KCNMB2: variants seen among roughly 807,000 people sequenced by gnomAD.
The protein encoded by KCNMB2 is potassium calcium-activated channel subfamily M regulatory beta subunit 2.
Under a neutral mutation model 24.5 loss-of-function variants are expected in KCNMB2, and 9 were observed. The ratio of observed to expected loss-of-function variants is 0.37; its 90% CI spans 0.22 to 0.64. KCNMB2 has a LOEUF of 0.64. Ranked by LOEUF, KCNMB2 falls within the 30% of genes least tolerant of loss-of-function variation. The pLI is 0.63. For missense variants in KCNMB2, 226 were observed against 284.3 expected, an observed-to-expected ratio of 0.79 and a Z score of 1.47; for synonymous variants, 109 against 104.4, an observed-to-expected ratio of 1.04 and a Z score of -0.27.
At chr3:178,585,187 C>A (rs890384163) in intron 1 of KCNMB2, among the ~76,000 whole-genome samples, 2 of 152,106 alleles carry the variant, frequency 1.3e-5, no homozygotes, top group African/African-American at 4.8e-5. Flanking sequence ...ACTCTAGAAA[C>A]GCTTATGTTT....
intron 2 of KCNMB2, among the ~76,000 whole-genome samples, chr3:178,818,524 GT>G (rs979677251): frequency 1.3e-5 from 2 of 152,152 alleles, no homozygotes; most frequent in African/African-American, 4.8e-5. Context: ...AACATGCGGT[GT>G]TTGGTTTTCT....
intron 1 of KCNMB2, among the ~76,000 whole-genome samples, chr3:178,586,544 T>TA (rs1717443232): frequency 4.2e-5 from 5 of 118,522 alleles, no homozygotes; most frequent in Admixed American, 4.2e-4. Context: ...CTTTCTTTTT[T>TA]TTTTTTTTTT....
chr3:178,616,142 G>A (rs994796649), intron 1 of KCNMB2, among the ~76,000 whole-genome samples: 2 of 152,156 alleles, frequency 1.3e-5, no homozygotes, highest in Admixed American at 6.5e-5. Flanking sequence ...GTGAGGGGAG[G>A]GATGATGCCA....
At chr3:178,772,688 A>C (rs1712422742) in intron 1 of KCNMB2, among the ~76,000 whole-genome samples, 1 of 152,222 alleles carries the variant, frequency 6.6e-6, no homozygotes, top group Non-Finnish European at 1.5e-5. Flanking sequence ...TACACTGCTA[A>C]ATTTCCTAAT....
At chr3:178,548,920 C>T (rs1715856526) in intron 1 of KCNMB2, among the ~76,000 whole-genome samples, 1 of 152,078 alleles carries the variant, frequency 6.6e-6, no homozygotes, top group Non-Finnish European at 1.5e-5. Context: ...AGTGCATGTC[C>T]TTGGGCAAAT....
chr3:178,705,848 T>C (rs2108345317), intron 1 of KCNMB2, among the ~76,000 whole-genome samples: 1 of 152,258 alleles, frequency 6.6e-6, no homozygotes, highest in South Asian at 2.1e-4. Flanking sequence ...GTCAAATACC[T>C]TGGAGTCAGT....
intron 1 of KCNMB2, among the ~76,000 whole-genome samples, chr3:178,576,965 G>C (rs182132746): frequency 8.2e-4 from 125 of 152,334 alleles, no homozygotes; most frequent in African/African-American, 3.0e-3. Flanking sequence ...GAGAGCGGAG[G>C]ATCTCCCAGC....
intron 1 of KCNMB2, among the ~76,000 whole-genome samples, chr3:178,804,664 T>G (rs1713896192): frequency 6.6e-6 from 1 of 152,224 alleles, no homozygotes; most frequent in African/African-American, 2.4e-5. Context: ...TTGAAATCAC[T>G]GCAGCTCCTT....
At position 178,813,729 on chromosome 3, in the gene KCNMB2, G is replaced by C. The variant is rs146088966; in HGVS notation, c.56+6264G>C. 5.0e-3 allele frequency among the ~76,000 whole-genome samples: 757 copies of C among 152,154 alleles called. 1 individual carries two copies. The highest frequency in any genetic ancestry group is 0.012 in the South Asian group (56 of 4,822). On this transcript the variant is annotated intron_variant, in intron 2 of 4. Transcript: ENST00000452583. ...CAAGTTACTTTTTAACTCATCATTT[G>C]TTTGTGTAATTTTGGTCTGTTTAAT...
chr3:178,648,953 TA>T (rs1461114370), intron 1 of KCNMB2, among the ~76,000 whole-genome samples: 1 of 152,236 alleles, frequency 6.6e-6, no homozygotes, highest in Non-Finnish European at 1.5e-5. Context: ...ACTTCTCTAA[TA>T]AGTGTGATGT....
At chr3:178,834,548 T>C (rs757137004) in intron 4 of KCNMB2, among the ~76,000 whole-genome samples, 2 of 152,136 alleles carry the variant, frequency 1.3e-5, no homozygotes, top group African/African-American at 4.8e-5. Flanking sequence ...AGGAATAGAA[T>C]TATCTGTGAT....
chr3:178,777,024 A>G (rs1407361050), intron 1 of KCNMB2, among the ~76,000 whole-genome samples: 1 of 152,240 alleles, frequency 6.6e-6, no homozygotes, highest in Non-Finnish European at 1.5e-5. Flanking sequence ...TGTAATGCCC[A>G]TAATACTTTA....
At chr3:178,537,924 G>T (rs1382079156) in intron 1 of KCNMB2, among the ~76,000 whole-genome samples, 1 of 152,152 alleles carries the variant, frequency 6.6e-6, no homozygotes, top group Non-Finnish European at 1.5e-5. Flanking sequence ...ATAAAAGAAT[G>T]CAATATTCTT....
At chr3:178,688,195 GA>G (rs1272065956) in intron 1 of KCNMB2, among the ~76,000 whole-genome samples, 9 of 152,104 alleles carry the variant, frequency 5.9e-5, no homozygotes, top group Non-Finnish European at 1.2e-4. Context: ...GTGCTCAGGT[GA>G]AAAATATTTT....
intron 1 of KCNMB2, among the ~76,000 whole-genome samples, chr3:178,743,783 G>A (rs1366895883): frequency 6.6e-6 from 1 of 152,200 alleles, no homozygotes; most frequent in Non-Finnish European, 1.5e-5. Context: ...GGCGCTATAA[G>A]CTCCAGCATT....
At chr3:178,669,767 T>C (rs1720837059) in intron 1 of KCNMB2, among the ~76,000 whole-genome samples, 1 of 152,042 alleles carries the variant, frequency 6.6e-6, no homozygotes. Context: ...AAGGAAACTT[T>C]TGGATGTTTT....
At chr3:178,724,344 T>G (rs1332794753) in intron 1 of KCNMB2, among the ~76,000 whole-genome samples, 1 of 152,106 alleles carries the variant, frequency 6.6e-6, no homozygotes, top group African/African-American at 2.4e-5. Flanking sequence ...GCCCACTTTT[T>G]AATAGGGTTG....
intron 1 of KCNMB2, among the ~76,000 whole-genome samples, chr3:178,757,349 G>GAC (rs1560004966): frequency 5.1e-5 from 1 of 19,622 alleles, no homozygotes; most frequent in South Asian, 1.6e-3. Context: ...TATCCAAGAG[G>GAC]ATATATATAT....
At chr3:178,789,484 T>C (rs1316985460) in intron 1 of KCNMB2, among the ~76,000 whole-genome samples, 2 of 152,152 alleles carry the variant, frequency 1.3e-5, no homozygotes, top group East Asian at 3.9e-4. Context: ...TTTAAAATCA[T>C]AACAAGGAAA....
Sources: gnomAD v4.1 joint callset for allele counts (sites outside exome capture counted in the v4.1 genomes callset) on GRCh38, gnomAD v4.1.1 for gene constraint, MANE v1.5 for transcripts, NCBI Gene and HGNC (gene_info 2026-07-23, HGNC 2026-07-21) for gene names.